The following GPR158 variants were observed in gnomAD, a reference collection of about 807,000 sequenced individuals.
The protein encoded by GPR158 is metabotropic glycine receptor.
In GPR158, 30 loss-of-function variants were observed where a neutral mutation model predicts 78.2. That is an observed-to-expected ratio of 0.38 (90% CI 0.29 to 0.52). The LOEUF (loss-of-function observed/expected upper bound fraction) is 0.52, where lower values mean the gene tolerates loss of function less well. Among genes scored for constraint, GPR158 ranks in the 20% least tolerant of loss-of-function variants. GPR158 has a pLI of 0.83. For missense variants in GPR158, 1,463 were observed against 1,523.5 expected, an observed-to-expected ratio of 0.96 and a Z score of 0.66; for synonymous variants, 581 against 591.1, an observed-to-expected ratio of 0.98 and a Z score of 0.25.
intron 4 of GPR158, among the ~76,000 whole-genome samples, chr10:25,447,793 T>C (rs546847098): frequency 6.6e-6 from 1 of 152,354 alleles, no homozygotes; most frequent in South Asian, 2.1e-4. Context: ...AAATCCTTTA[T>C]TTTTTATGGA....
chr10:25,177,403 C>G (rs1170096840), intron 1 of GPR158, among the ~76,000 whole-genome samples: 1 of 152,110 alleles, frequency 6.6e-6, no homozygotes, highest in African/African-American at 2.4e-5. Context: ...GAAAGAGGGT[C>G]TTGGGGGCTG....
At chr10:25,369,067 G>C (rs2130545767) in intron 2 of GPR158, among the ~76,000 whole-genome samples, 1 of 151,338 alleles carries the variant, frequency 6.6e-6, no homozygotes, top group East Asian at 2.0e-4. Context: ...GAGATTTTGG[G>C]CTGAGACAAT....
chr10:25,505,677 A>T (rs1451517211), intron 5 of GPR158, among the ~76,000 whole-genome samples: 1 of 152,222 alleles, frequency 6.6e-6, no homozygotes, highest in African/African-American at 2.4e-5. Context: ...CTGTCCTCAG[A>T]TCCAGCCTCC....
At chr10:25,247,304 TC>T (rs1234050714) in intron 2 of GPR158, among the ~76,000 whole-genome samples, 97 of 145,768 alleles carry the variant, frequency 6.7e-4, no homozygotes, top group African/African-American at 2.5e-3. Flanking sequence ...TTCAATTTAT[TC>T]TTTTTTTTTT....
intron 6 of GPR158, among the ~76,000 whole-genome samples, chr10:25,563,774 A>C (rs966911756): frequency 2.7e-5 from 4 of 149,388 alleles, no homozygotes; most frequent in African/African-American, 1.0e-4. Context: ...TTATGAACTC[A>C]TTAACACAGA....
rs1489198785 is a variant in GPR158, at chr10:25,571,105, G to A, written c.1515-1544G>A. On this transcript the variant is annotated intron_variant, in intron 6 of 10. Coordinates refer to ENST00000376351, the MANE Select transcript of GPR158 (RefSeq NM_020752.3). ...GAAGATATTACCTGCCAGTGTTAGC[G>A]TTCGCCAGTGTTAGCGTTCACTATG... 8.9e-5 allele frequency among the ~76,000 whole-genome samples: 8 copies of A among 90,096 alleles called. No homozygotes were observed. The South Asian group carries it at 1.3e-3, about 14-fold the overall frequency. 59.1% of individuals were successfully genotyped at this position (90,096 alleles called of 152,430 possible).
chr10:25,472,447 C>T (rs752442381), intron 5 of GPR158, among the ~76,000 whole-genome samples: 1 of 152,142 alleles, frequency 6.6e-6, no homozygotes, highest in Non-Finnish European at 1.5e-5. Flanking sequence ...GCAATGTGGG[C>T]TCTTTTTTGG....
chr10:25,483,956 C>T (rs1290165025), intron 5 of GPR158, among the ~76,000 whole-genome samples: 4 of 152,130 alleles, frequency 2.6e-5, no homozygotes, highest in Non-Finnish European at 5.9e-5. Context: ...ACATGCAGCA[C>T]ACAGAATATA....
chr10:25,220,288 T>C (rs1003728823), intron 1 of GPR158, among the ~76,000 whole-genome samples: 2 of 151,966 alleles, frequency 1.3e-5, no homozygotes, highest in African/African-American at 4.8e-5. Context: ...TGGTGAAAAA[T>C]AGAAAGGAGG....
At chr10:25,547,518 T>C (rs927689519) in intron 5 of GPR158, among the ~76,000 whole-genome samples, 2 of 152,176 alleles carry the variant, frequency 1.3e-5, no homozygotes, top group Non-Finnish European at 2.9e-5. Context: ...CTGTTCCTCC[T>C]TTCGTTCTCG....
chr10:25,384,983 A>C (rs947792050), intron 2 of GPR158, among the ~76,000 whole-genome samples: 1 of 152,196 alleles, frequency 6.6e-6, no homozygotes, highest in Non-Finnish European at 1.5e-5. Context: ...AAAATACATA[A>C]TATAAAAATC....
At position 25,384,872 on chromosome 10, in the gene GPR158, T is replaced by A. The variant is rs192911790; in HGVS notation, c.1009-11039T>A. On this transcript the variant is annotated intron_variant, in intron 2 of 10. Coordinates refer to ENST00000376351, the MANE Select transcript of GPR158 (RefSeq NM_020752.3). ...TGAGGTATGTGAGATGAGATATACATCATGCCGATTGCAATACGACCTTTA... is the reference window on the plus strand; with the variant it reads ...TGAGGTATGTGAGATGAGATATACAACATGCCGATTGCAATACGACCTTTA... Among the ~76,000 whole-genome samples the A allele has an allele frequency of 8.5e-5, 13 of 152,300 alleles. No individual in the cohort carries two copies. The East Asian group carries it at 2.3e-3, about 27-fold the overall frequency.
At chr10:25,348,779 G>C (rs1855412245) in intron 2 of GPR158, among the ~76,000 whole-genome samples, 1 of 151,986 alleles carries the variant, frequency 6.6e-6, no homozygotes, top group South Asian at 2.1e-4. Flanking sequence ...TGGGAAACTA[G>C]TATGTGGCAT....
chr10:25,354,325 A>G (rs1855518078), intron 2 of GPR158, among the ~76,000 whole-genome samples: 1 of 151,344 alleles, frequency 6.6e-6, no homozygotes. Flanking sequence ...ATTGTACTCC[A>G]GCCTGGTCAA....
At chr10:25,396,401 T>C (rs552454327) in intron 3 of GPR158, among the ~76,000 whole-genome samples, 1 of 152,168 alleles carries the variant, frequency 6.6e-6, no homozygotes, top group Non-Finnish European at 1.5e-5. Flanking sequence ...TACCATAAAG[T>C]GAGCAGCTTA....
chr10:25,322,817 C>T (rs1263459521), intron 2 of GPR158, among the ~76,000 whole-genome samples: 1 of 152,068 alleles, frequency 6.6e-6, no homozygotes, highest in Admixed American at 6.5e-5. Context: ...TGTCAATGAG[C>T]AGTAGTATTT....
intron 5 of GPR158, among the ~76,000 whole-genome samples, chr10:25,500,617 C>G (rs566240354): frequency 5.0e-4 from 76 of 152,270 alleles, no homozygotes; most frequent in Admixed American, 9.2e-4. Context: ...AGTGTTTGTT[C>G]GCTTGGAATT....
At chr10:25,477,050 G>A (rs1042240338) in intron 5 of GPR158, among the ~76,000 whole-genome samples, 1 of 152,040 alleles carries the variant, frequency 6.6e-6, no homozygotes, top group Non-Finnish European at 1.5e-5. Flanking sequence ...ACCTATGTCA[G>A]TTAAGAGATT....
chr10:25,312,668 C>T (rs994405095), intron 2 of GPR158, among the ~76,000 whole-genome samples: 4 of 152,066 alleles, frequency 2.6e-5, no homozygotes, highest in Non-Finnish European at 5.9e-5. Flanking sequence ...ATTTGGTATG[C>T]AGAGTAAGTG....
Sources: gnomAD v4.1 joint callset for allele counts (sites outside exome capture counted in the v4.1 genomes callset) on GRCh38, gnomAD v4.1.1 for gene constraint, MANE v1.5 for transcripts, NCBI Gene and HGNC (gene_info 2026-07-23, HGNC 2026-07-21) for gene names.